HDGFL3: variants seen among roughly 807,000 people sequenced by gnomAD.
The protein encoded by HDGFL3 is HDGF like 3, also known as hepatoma-derived growth factor-related protein 3.
A neutral mutation model predicts 27.6 loss-of-function variants in HDGFL3; 6 were observed. The ratio of observed to expected loss-of-function variants is 0.22; its 90% CI spans 0.12 to 0.43. The LOEUF is 0.43. Among genes scored for constraint, HDGFL3 ranks in the 20% least tolerant of loss-of-function variants. The probability of loss-of-function intolerance (pLI) is 1.00; values close to 1 mark genes in which losing one functional copy is unlikely to be tolerated. For missense variants in HDGFL3, 207 were observed against 250.1 expected (o/e 0.83, Z 1.16); for synonymous variants, 88 against 88.9 (o/e 0.99, Z 0.05).
chr15:83,164,306 A>C (rs1317538808), intron 1 of HDGFL3, among the ~76,000 whole-genome samples: 1 of 135,424 alleles, frequency 7.4e-6, no homozygotes, highest in Non-Finnish European at 1.5e-5. Context: ...AAAACTACTC[A>C]TTTCCTTTGA....
At chr15:83,192,437 A>G in intron 1 of HDGFL3, 1 of 386,644 alleles carries the variant, frequency 2.6e-6, no homozygotes, top group South Asian at 2.0e-5. Context: ...CAGTTAAGAG[A>G]GCAGACATGG....
chr15:83,119,695 C>T lies in HDGFL3; in HGVS notation c.394-3954G>A, dbSNP rs577211197. ...CATAGCATGGGAGTAAGTCAGTTCA[C>T]CTGGTGTGTGCCTTTGCCACCTTAG... On this transcript the variant is annotated intron_variant, in intron 3 of 3. Transcript: ENST00000568294. 3.1e-4 allele frequency: 504 copies of T among 1,613,988 alleles called. 5 individuals carry two copies. The South Asian group carries it at 5.1e-3, about 16-fold the overall frequency.
chr15:83,206,571 G>C (rs891393534), intron 1 of HDGFL3, among the ~76,000 whole-genome samples: 1 of 152,192 alleles, frequency 6.6e-6, no homozygotes, highest in Admixed American at 6.5e-5. Flanking sequence ...TAGGAAGAGA[G>C]AGCTATTGTG....
At chr15:83,162,565 CTCT>C (rs2037114879) in intron 2 of HDGFL3, among the ~76,000 whole-genome samples, 1 of 152,166 alleles carries the variant, frequency 6.6e-6, no homozygotes, top group African/African-American at 2.4e-5. Context: ...CTAGCAACCT[CTCT>C]TAAGGAGGAA....
intron 1 of HDGFL3, among the ~76,000 whole-genome samples, chr15:83,199,155 A>AC (rs2037607183): frequency 6.6e-6 from 1 of 152,208 alleles, no homozygotes; most frequent in African/African-American, 2.4e-5. Context: ...AACTTGTTTT[A>AC]AATTAGTTGG....
In HDGFL3 at chr15:83,133,950, C is replaced by A. The variant is rs62010212; in HGVS notation, c.*5320G>T. On this transcript the variant is annotated 3_prime_UTR_variant, in exon 6 of 6. Transcript: ENST00000299633. ...ATGAGCAGTACTGGGAGCTGCACACCACTGGCCTTAGAGTTCTTCTCTCAC... is the reference window on the plus strand; with the variant it reads ...ATGAGCAGTACTGGGAGCTGCACACAACTGGCCTTAGAGTTCTTCTCTCAC... The A allele has an allele frequency of 0.25, 38,169 of 152,150 alleles. 5,161 individuals carry two copies. Among genetic ancestry groups the A allele is most frequent in the African/African-American group, 0.34 (14,307 of 41,494 alleles). 9.4% of individuals were successfully genotyped at this position (152,150 alleles called of 1,614,324 possible).
Position 83,128,244 on chromosome 15 carries a change from A to G in HDGFL3, c.*11026T>C, listed in dbSNP as rs1049076686. The G allele has an allele frequency of 1.3e-5, 2 of 152,250 alleles. No individual in the cohort carries two copies. The highest frequency in any genetic ancestry group is 2.9e-5 in the Non-Finnish European group (2 of 68,056). The allele number at this position is 152,250 out of a possible 1,614,324, so 9.4% of individuals were successfully genotyped here. On this transcript the variant is annotated 3_prime_UTR_variant, in exon 6 of 6. Coordinates refer to ENST00000299633, the MANE Select transcript of HDGFL3 (RefSeq NM_016073.4). The stretch of plus-strand genomic sequence containing the variant: ...TTGTACAGTCAATTATATGCATGGT[A>G]TAATAATCATGATCGTAAGACATAC...
At position 83,157,591 on chromosome 15, in the gene HDGFL3, A is replaced by G. The variant is rs1441556590; in HGVS notation, c.301-18T>C. The G allele has an allele frequency of 1.9e-6, 3 of 1,594,426 alleles. No individual in the cohort carries two copies. In the African/African-American group the frequency reaches 4.1e-5, roughly 22 times the overall value. Reference sequence around the variant, plus strand: ...TGAATTGCCTAAGAAATAATAAAATATTAGCTGATTACATTTTTGAAAAAA... The same window carrying G: ...TGAATTGCCTAAGAAATAATAAAATGTTAGCTGATTACATTTTTGAAAAAA... On this transcript the variant is annotated intron_variant, in intron 3 of 5. Transcript: ENST00000299633.
intron 1 of HDGFL3, among the ~76,000 whole-genome samples, chr15:83,174,719 T>C (rs562051300): frequency 1.2e-4 from 19 of 152,354 alleles, no homozygotes; most frequent in Non-Finnish European, 1.6e-4. Context: ...ACTGAATTAC[T>C]AGTTGATAAA....
chr15:83,169,185 T>C (rs2037210967), intron 1 of HDGFL3: 2 of 439,608 alleles, frequency 4.5e-6, no homozygotes, highest in Non-Finnish European at 4.6e-6. Flanking sequence ...ACTGGAAGCA[T>C]GCCCCTCGAG....
chr15:83,179,954 G>C (rs2037359505), intron 1 of HDGFL3: 1 of 152,374 alleles, frequency 6.6e-6, no homozygotes, highest in Non-Finnish European at 1.5e-5. Flanking sequence ...AGAGAGAAAG[G>C]GAGAAAGTAA....
intron 1 of HDGFL3, among the ~76,000 whole-genome samples, chr15:83,193,095 T>C (rs1366236304): frequency 6.6e-6 from 1 of 152,128 alleles, no homozygotes; most frequent in African/African-American, 2.4e-5. Flanking sequence ...TCCCGTTCTC[T>C]GCTTATTTGA....
intron 1 of HDGFL3, among the ~76,000 whole-genome samples, chr15:83,192,543 A>G (rs2037524105): frequency 1.3e-5 from 2 of 152,196 alleles, no homozygotes; most frequent in African/African-American, 4.8e-5. Flanking sequence ...AGCTAATTGT[A>G]ATATTTCCAT....
At chr15:83,168,683 C>T (rs2037202797) in intron 1 of HDGFL3, among the ~76,000 whole-genome samples, 1 of 152,134 alleles carries the variant, frequency 6.6e-6, no homozygotes, top group Non-Finnish European at 1.5e-5. Context: ...GGATTCACAG[C>T]CAAATTCTAC....
In HDGFL3 at chr15:83,150,407, A is replaced by C. The variant is rs183972584; in HGVS notation, c.606+808T>G. On this transcript the variant is annotated intron_variant, in intron 5 of 5. Coordinates refer to ENST00000299633, the MANE Select transcript of HDGFL3 (RefSeq NM_016073.4). Reference sequence around the variant, plus strand: ...GATGAAGATAAGCAGAGGATAGAGTAGGGCTGAGCTGGGTGAGAGGAATAA... The same window carrying C: ...GATGAAGATAAGCAGAGGATAGAGTCGGGCTGAGCTGGGTGAGAGGAATAA... Among the ~76,000 whole-genome samples, 406 of 152,296 alleles carry C rather than the reference A, an allele frequency of 2.7e-3. 4 individuals carry two copies. Among genetic ancestry groups the C allele is most frequent in the African/African-American group, 9.3e-3 (386 of 41,572 alleles).
downstream of HDGFL3, among the ~76,000 whole-genome samples, chr15:83,124,286 A>G (rs1053317162): frequency 1.3e-5 from 2 of 152,142 alleles, no homozygotes; most frequent in Admixed American, 1.3e-4. Flanking sequence ...ATGTGTGTGT[A>G]TATATGTATG....
In HDGFL3 at chr15:83,139,168, A is replaced by T; in HGVS notation, c.*102T>A. 1.4e-6 allele frequency: 1 copy of T among 695,842 alleles called. No individual in the cohort carries two copies. Among genetic ancestry groups the T allele is most frequent in the Non-Finnish European group, 2.2e-6 (1 of 458,018 alleles). The allele number at this position is 695,842 out of a possible 1,614,324, so 43.1% of individuals were successfully genotyped here. On this transcript the variant is annotated 3_prime_UTR_variant, in exon 6 of 6. Coordinates refer to ENST00000299633, the MANE Select transcript of HDGFL3 (RefSeq NM_016073.4). ...ACAAACTGGGGTTCTGTCAATGACA[A>T]CAAGGACTATGTGTTGGTTCATATC...
downstream of HDGFL3, among the ~76,000 whole-genome samples, chr15:83,126,350 T>A (rs2035751316): frequency 1.3e-5 from 2 of 152,206 alleles, no homozygotes; most frequent in African/African-American, 2.4e-5. Context: ...GACAGGAAGG[T>A]GCTATTTTCA....
At chr15:83,193,280 A>G (rs1437490907) in intron 1 of HDGFL3, among the ~76,000 whole-genome samples, 2 of 152,240 alleles carry the variant, frequency 1.3e-5, no homozygotes, top group Admixed American at 1.3e-4. Context: ...GTGAAGGACA[A>G]TAGACATTAT....
Sources: allele counts gnomAD v4.1 joint callset (sites outside exome capture counted in the v4.1 genomes callset), GRCh38; gene constraint gnomAD v4.1.1; transcripts MANE v1.5; gene names NCBI Gene and HGNC (gene_info 2026-07-23, HGNC 2026-07-21).